Variants in ACTN4 observed in about 807,000 individuals in gnomAD.
ACTN4 encodes the protein actinin alpha 4, also known as alpha-actinin-4.
A neutral mutation model predicts 114.2 loss-of-function variants in ACTN4; 18 were observed. That is an observed-to-expected ratio of 0.16 (90% CI 0.11 to 0.23). The LOEUF is 0.23. Among genes scored for constraint, ACTN4 ranks in the 10% least tolerant of loss-of-function variants. The pLI is 1.00. For missense variants in ACTN4, 722 were observed against 1,262.9 expected, an observed-to-expected ratio of 0.57 and a Z score of 6.49; for synonymous variants, 515 against 506.3, an observed-to-expected ratio of 1.02 and a Z score of -0.23.
Position 38,700,666 on chromosome 19 carries a change from G to C in ACTN4, c.229G>C (p.Asp77His), listed in dbSNP as rs1205829234. ...CACACAGATCGAGAACATTGATGAG[G>C]ACTTCCGAGACGGGCTCAAGCTCAT... is the stretch of plus-strand genomic sequence containing the variant. Reference protein sequence around the residue: ...AGTQIENIDEDFRDGLKLMLL... With the variant: ...AGTQIENIDEHFRDGLKLMLL... Residue 77 changes from aspartate (D) to histidine (H), a missense_variant, in exon 2 of 21, where the codon GAC (aspartate) becomes CAC (histidine). By Grantham distance (81) the Asp-to-His change is moderately conservative. Coordinates refer to ENST00000252699, the MANE Select transcript of ACTN4 (RefSeq NM_004924.6). The C allele has an allele frequency of 1.2e-6, 2 of 1,614,146 alleles. No homozygotes were observed. The highest frequency in any genetic ancestry group is 1.7e-5 in the Admixed American group (1 of 60,026).
Position 38,706,140 on chromosome 19 carries a change from C to A in ACTN4, c.572+9C>A. ...CAGAACTTCCACATCAGGTAAGCGCCAGTCCTGGTCATCCTCTCCTTTCCT... is the reference window on the plus strand; with the variant it reads ...CAGAACTTCCACATCAGGTAAGCGCAAGTCCTGGTCATCCTCTCCTTTCCT... On this transcript the variant is annotated intron_variant, in intron 5 of 20. Transcript: ENST00000252699. 4 of 1,612,242 alleles carry A rather than the reference C, an allele frequency of 2.5e-6. No individual in the cohort carries two copies. The highest frequency in any genetic ancestry group is 3.4e-6 in the Non-Finnish European group (4 of 1,178,310).
chr19:38,663,863 G>C (rs1976968031), intron 1 of ACTN4, among the ~76,000 whole-genome samples: 1 of 152,210 alleles, frequency 6.6e-6, no homozygotes, highest in Non-Finnish European at 1.5e-5. Flanking sequence ...CTTCTCCCCA[G>C]GTGGGAGGGG....
At chr19:38,655,378 C>T (rs1976683898) in intron 1 of ACTN4, among the ~76,000 whole-genome samples, 2 of 152,084 alleles carry the variant, frequency 1.3e-5, no homozygotes, top group African/African-American at 4.8e-5. Context: ...CCACCAGCAC[C>T]AAGCAGAGAC....
chr19:38,693,789 C>T (rs1372382746), intron 1 of ACTN4, among the ~76,000 whole-genome samples: 2 of 152,236 alleles, frequency 1.3e-5, no homozygotes, highest in African/African-American at 2.4e-5. Context: ...CGTCTCCCTC[C>T]TGCAGCCCAC....
At chr19:38,723,752 C>T (rs1429045738) in intron 13 of ACTN4, 30 bp downstream of exon 13, 1 of 1,559,536 alleles carries the variant, frequency 6.4e-7, no homozygotes, top group Non-Finnish European at 8.8e-7. Flanking sequence ...ACCCACGGAG[C>T]TCTGTGCCCC....
At chr19:38,659,312 C>T (rs1045082466) in intron 1 of ACTN4, among the ~76,000 whole-genome samples, 1 of 151,994 alleles carries the variant, frequency 6.6e-6, no homozygotes, top group African/African-American at 2.4e-5. Flanking sequence ...CCACCTAGGC[C>T]TCCCAAAGTG....
intron 1 of ACTN4, chr19:38,693,703 A>G (rs1017291294): frequency 6.6e-6 from 1 of 152,160 alleles, no homozygotes; most frequent in Admixed American, 6.5e-5. Context: ...TCATTCACCT[A>G]CCGCCCCACA....
At chr19:38,708,220 T>A in intron 6 of ACTN4, 25 bp downstream of exon 6, 1 of 1,613,156 alleles carries the variant, frequency 6.2e-7, no homozygotes, top group Non-Finnish European at 8.5e-7. Context: ...CTCCCCTTGA[T>A]GGCCCACAGA....
Position 38,731,239 on chromosome 19 carries a change from T to G in ACTN4, c.*1807T>G. The G allele has an allele frequency of 6.2e-7, 1 of 1,607,140 alleles. No homozygotes were observed. The highest frequency in any genetic ancestry group is 8.5e-7 in the Non-Finnish European group (1 of 1,175,792). ...AGGTGGAAGCCTAGGGGGAGGCTGCTTCTGAGCCCAGTGGCCCACAGGGAA... is the reference window on the plus strand; with the variant it reads ...AGGTGGAAGCCTAGGGGGAGGCTGCGTCTGAGCCCAGTGGCCCACAGGGAA... On this transcript the variant is annotated 3_prime_UTR_variant, in exon 21 of 21. Coordinates refer to ENST00000252699, the MANE Select transcript of ACTN4 (RefSeq NM_004924.6).
chr19:38,708,025 G>C, intron 5 of ACTN4, 92 bp from the exon 6 acceptor site: 1 of 1,289,820 alleles, frequency 7.8e-7, no homozygotes, highest in Non-Finnish European at 1.1e-6. Context: ...GCAGTGAATG[G>C]GAATTAGTCA....
intron 17 of ACTN4, 129 bp downstream of exon 17, chr19:38,726,032 A>C: frequency 7.6e-7 from 1 of 1,311,124 alleles, no homozygotes. Flanking sequence ...AAATTATTGA[A>C]GAGACCAGCA....
At chr19:38,709,521 C>A in intron 7 of ACTN4, 45 bp downstream of exon 7, 1 of 1,552,774 alleles carries the variant, frequency 6.4e-7, no homozygotes, top group Non-Finnish European at 8.9e-7. Context: ...TTCCTGATGG[C>A]CTTTTCTGTC....
intron 8 of ACTN4, among the ~76,000 whole-genome samples, chr19:38,713,867 G>A (rs895915215): frequency 2.6e-5 from 4 of 152,110 alleles, no homozygotes; most frequent in African/African-American, 7.2e-5. Flanking sequence ...AGGGCAGGAC[G>A]CTCTCCTGTA....
At chr19:38,670,481 T>C (rs905681998) in intron 1 of ACTN4, among the ~76,000 whole-genome samples, 1 of 152,042 alleles carries the variant, frequency 6.6e-6, no homozygotes, top group African/African-American at 2.4e-5. Flanking sequence ...GATTATCACA[T>C]GGTAGGTGAG....
chr19:38,724,276 G>T lies in ACTN4; in HGVS notation c.1812G>T (p.Lys604Asn). The change falls in exon 15 of 21, where the codon AAG (lysine) becomes AAT (asparagine). Residue 604 changes from lysine (K) to asparagine (N), a missense_variant. Physicochemically the swap from Lys to Asn is moderately conservative, Grantham distance 94. Coordinates refer to ENST00000252699, the MANE Select transcript of ACTN4 (RefSeq NM_004924.6). The surrounding 1 kb of genome is among the most constrained non-coding windows in gnomAD (Gnocchi z 7.0). Reference sequence around the variant, plus strand: ...GGATCGCTGAGAGCAACCACATCAAGCTGTCGGGCAGCAACCCCTACACCA... The same window carrying T: ...GGATCGCTGAGAGCAACCACATCAATCTGTCGGGCAGCAACCCCTACACCA... ...AQRIAESNHI[K>N]LSGSNPYTTV... The T allele has an allele frequency of 6.2e-7, 1 of 1,613,936 alleles. No homozygotes were observed. The highest frequency in any genetic ancestry group is 1.3e-5 in the African/African-American group (1 of 75,040).
rs1236380837 is a variant in ACTN4 at position 38,726,988 on chromosome 19, C to T, written c.2222C>T (p.Thr741Ile). 2.5e-6 allele frequency: 4 copies of T among 1,613,974 alleles called. No homozygotes were observed. The highest frequency in any genetic ancestry group is 1.3e-5 in the African/African-American group (1 of 74,932). The change falls in exon 18 of 21, where the codon ACC becomes ATC. Residue 741 changes from threonine (T) to isoleucine (I), a missense_variant. This residue lies in a region of ACTN4 where 523 missense variants were observed against 875.9 expected (regional missense o/e 0.60). Coordinates refer to ENST00000252699, the MANE Select transcript of ACTN4 (RefSeq NM_004924.6). ...HIRVGWEQLL[T>I]TIARTINEVE... ...CGCGTGGGCTGGGAGCAGCTGCTCA[C>T]CACCATTGCCCGCACCATCAACGAG...
intron 11 of ACTN4, chr19:38,718,363 C>CA (rs1968918421): frequency 6.0e-6 from 3 of 501,068 alleles, no homozygotes; most frequent in Non-Finnish European, 7.4e-6. Context: ...CCTGCCTATA[C>CA]AAAAAAATTT....
chr19:38,691,307 CAG>C (rs1446273502), intron 1 of ACTN4, among the ~76,000 whole-genome samples: 1 of 146,572 alleles, frequency 6.8e-6, no homozygotes, highest in Non-Finnish European at 1.5e-5. Flanking sequence ...AGGCTGAGGC[CAG>C]AGAATAGCTT....
intron 1 of ACTN4, among the ~76,000 whole-genome samples, chr19:38,699,515 G>A (rs1471094753): frequency 1.3e-5 from 2 of 152,150 alleles, no homozygotes; most frequent in African/African-American, 2.4e-5. Flanking sequence ...AGCAGTTTGG[G>A]AGACCGAGGC....
Sources: allele counts gnomAD v4.1 joint callset (sites outside exome capture counted in the v4.1 genomes callset), GRCh38; gene constraint gnomAD v4.1.1; regional missense constraint gnomAD v4.1.1; non-coding constraint Gnocchi (gnomAD v3.1); transcripts MANE v1.5; gene names NCBI Gene and HGNC (gene_info 2026-07-23, HGNC 2026-07-21).